CFAP58: variants seen among roughly 807,000 people sequenced by gnomAD.
The protein encoded by CFAP58 is cilia and flagella associated protein 58, also known as cilia- and flagella-associated protein 58.
CFAP58 carries 88 observed loss-of-function variants against 119.5 expected under a neutral mutation model. The observed-to-expected ratio is 0.74, with a 90% CI of 0.62 to 0.88. CFAP58 has a LOEUF of 0.88. Ranked by LOEUF, CFAP58 falls within the 40% of genes least tolerant of loss-of-function variation. CFAP58 has a pLI of 0.00. For missense variants in CFAP58, 990 were observed against 1,021.2 expected, an observed-to-expected ratio of 0.97 and a Z score of 0.42; for synonymous variants, 365 against 366.3, an observed-to-expected ratio of 1.00 and a Z score of 0.04.
rs76032062 is a variant in CFAP58 at position 104,361,954 on chromosome 10, G to C, written c.292-69G>C. ...TACACTGTGGTCATGGTATTATTCT[G>C]TTTGCTGGTTTATCTTGCATCTAGA... On this transcript the variant is annotated intron_variant, in intron 2 of 17. Transcript: ENST00000369704. The C allele has an allele frequency of 3.4e-5, 50 of 1,455,570 alleles. No homozygotes were observed. In the African/African-American group the frequency reaches 6.9e-4, roughly 20 times the overall value. 90.2% of individuals were successfully genotyped at this position (1,455,570 alleles called of 1,614,324 possible).
At chr10:104,353,570 C>CT, upstream of CFAP58, 1 of 353,792 alleles carries the variant, frequency 2.8e-6, no homozygotes, top group East Asian at 4.5e-5. Flanking sequence ...GTGTCTCCAT[C>CT]TGCCCACACC....
chr10:104,417,837 G>A (rs1158394229), intron 15 of CFAP58, among the ~76,000 whole-genome samples: 4 of 152,188 alleles, frequency 2.6e-5, no homozygotes, highest in Non-Finnish European at 5.9e-5. Flanking sequence ...TTGTTCAAGA[G>A]TTCACAGAGG....
chr10:104,369,453 A>G lies in CFAP58; in HGVS notation c.930+893A>G, dbSNP rs921499898. 2.6e-5 allele frequency among the ~76,000 whole-genome samples: 4 copies of G among 152,262 alleles called. No individual in the cohort carries two copies. In the East Asian group the frequency reaches 7.7e-4, roughly 29 times the overall value. On this transcript the variant is annotated intron_variant, in intron 6 of 17. Transcript: ENST00000369704. ...GAATTAAAACATCTTAGAAATGGAG[A>G]GGCCTTAACATCGACTAATTTGAAC... is the stretch of plus-strand genomic sequence containing the variant.
chr10:104,450,616 G>C (rs1440897800), intron 17 of CFAP58, among the ~76,000 whole-genome samples: 1 of 152,128 alleles, frequency 6.6e-6, no homozygotes, highest in African/African-American at 2.4e-5. Flanking sequence ...TAGTAAAGCT[G>C]TTCTTTCTAA....
At chr10:104,378,106 A>G (rs1435123232) in intron 8 of CFAP58, among the ~76,000 whole-genome samples, 1 of 152,146 alleles carries the variant, frequency 6.6e-6, no homozygotes, top group Non-Finnish European at 1.5e-5. Flanking sequence ...GGCAGGGTAT[A>G]CTTTTGTATT....
At chr10:104,443,780 C>A (rs1225642527) in intron 15 of CFAP58, among the ~76,000 whole-genome samples, 1 of 152,146 alleles carries the variant, frequency 6.6e-6, no homozygotes, top group Non-Finnish European at 1.5e-5. Context: ...TTTGCATAGG[C>A]TGTTCAGAAT....
chr10:104,401,943 C>T (rs189570007), intron 13 of CFAP58, among the ~76,000 whole-genome samples: 7 of 152,268 alleles, frequency 4.6e-5, no homozygotes, highest in African/African-American at 1.2e-4. Flanking sequence ...AAGTAGCTAT[C>T]GAATAGTCTC....
intron 2 of CFAP58, among the ~76,000 whole-genome samples, chr10:104,359,328 C>A (rs993739347): frequency 6.6e-6 from 1 of 152,126 alleles, no homozygotes; most frequent in Non-Finnish European, 1.5e-5. Context: ...AGATACCATC[C>A]AGTTCAAATG....
intron 6 of CFAP58, among the ~76,000 whole-genome samples, chr10:104,369,063 T>C (rs2014789702): frequency 6.6e-6 from 1 of 152,190 alleles, no homozygotes. Context: ...GAAGAGTGCT[T>C]GCAAATTCTT....
chr10:104,357,878 TAC>T (rs200495436), intron 1 of CFAP58, among the ~76,000 whole-genome samples: 38,784 of 118,276 alleles, frequency 0.33, 8,124 homozygotes, highest in African/African-American at 0.54. Flanking sequence ...CACATATATG[TAC>T]ACATATATAA....
At chr10:104,421,665 A>G (rs1265620385) in intron 15 of CFAP58, among the ~76,000 whole-genome samples, 1 of 152,206 alleles carries the variant, frequency 6.6e-6, no homozygotes, top group African/African-American at 2.4e-5. Context: ...ACGACTCTTG[A>G]ACAAATCAGG....
At chr10:104,395,989 T>C (rs2012145533) in intron 11 of CFAP58, among the ~76,000 whole-genome samples, 1 of 152,346 alleles carries the variant, frequency 6.6e-6, no homozygotes, top group African/African-American at 2.4e-5. Context: ...CTTTTTCTGT[T>C]GCTACCAGGC....
chr10:104,376,244 A>T (rs911240573), intron 7 of CFAP58, among the ~76,000 whole-genome samples: 3 of 152,024 alleles, frequency 2.0e-5, no homozygotes, highest in African/African-American at 7.2e-5. Context: ...ATGAGAATTT[A>T]TGGTTTGTAG....
intron 15 of CFAP58, among the ~76,000 whole-genome samples, chr10:104,445,725 T>G (rs2013103933): frequency 2.0e-5 from 3 of 152,250 alleles, no homozygotes; most frequent in Admixed American, 1.3e-4. Flanking sequence ...ACTAGGTTTT[T>G]GACTTGCCAA....
At chr10:104,384,686 G>C (rs2011886619) in intron 9 of CFAP58, among the ~76,000 whole-genome samples, 1 of 152,220 alleles carries the variant, frequency 6.6e-6, no homozygotes, top group Non-Finnish European at 1.5e-5. Flanking sequence ...AAAAGGTTTG[G>C]CTTCCTTCAA....
intron 1 of CFAP58, among the ~76,000 whole-genome samples, chr10:104,356,471 T>C (rs780203466): frequency 6.6e-6 from 1 of 152,154 alleles, no homozygotes; most frequent in African/African-American, 2.4e-5. Context: ...CTTTGTAGAG[T>C]AGAATATTAA....
intron 3 of CFAP58, among the ~76,000 whole-genome samples, chr10:104,362,522 T>C (rs1224374504): frequency 1.3e-5 from 2 of 152,136 alleles, no homozygotes; most frequent in Non-Finnish European, 2.9e-5. Context: ...ATGATCAGTC[T>C]CATCACCAAC....
intron 15 of CFAP58, among the ~76,000 whole-genome samples, chr10:104,415,812 T>C (rs1481420051): frequency 6.6e-6 from 1 of 152,208 alleles, no homozygotes; most frequent in African/African-American, 2.4e-5. Flanking sequence ...CCATTAGGCC[T>C]TCCTCTATTC....
chr10:104,368,301 A>T, intron 5 of CFAP58, 122 bp from the exon 6 acceptor site: 1 of 834,982 alleles, frequency 1.2e-6, no homozygotes, highest in Non-Finnish European at 1.8e-6. Context: ...AACAATTTCT[A>T]CAAAGACAAA....
Sources: allele counts gnomAD v4.1 joint callset (sites outside exome capture counted in the v4.1 genomes callset), GRCh38; gene constraint gnomAD v4.1.1; transcripts MANE v1.5; gene names NCBI Gene and HGNC (gene_info 2026-07-23, HGNC 2026-07-21).